INPP5A: variants seen among roughly 807,000 people sequenced by gnomAD.
The protein encoded by INPP5A is inositol polyphosphate-5-phosphatase A, also known as 43 kDa inositol polyphosphate 5-phophatase.
A neutral mutation model predicts 65.2 loss-of-function variants in INPP5A; 14 were observed. That is an observed-to-expected ratio of 0.21 (90% confidence interval 0.14 to 0.34). The LOEUF (loss-of-function observed/expected upper bound fraction) is 0.34. INPP5A is among the 10% of genes least tolerant of loss of function. INPP5A has a pLI of 1.00. For missense variants in INPP5A, 431 were observed against 545.6 expected, an observed-to-expected ratio of 0.79 and a Z score of 2.09; for synonymous variants, 207 against 208.3, an observed-to-expected ratio of 0.99 and a Z score of 0.05.
chr10:132,735,178 C>A lies in INPP5A; in HGVS notation c.732+8273C>A, dbSNP rs374951349. 2.9e-3 allele frequency among the ~76,000 whole-genome samples: 449 copies of A among 152,294 alleles called. 3 individuals are homozygous for A. The highest frequency in any genetic ancestry group is 0.011 in the African/African-American group (438 of 41,558). ...TCTGCAACCCCCCGTGTGGAGATAC[C>A]ACATTCAGAGGCCACGTTGGTACCT... On this transcript the variant is annotated intron_variant, in intron 9 of 15. Transcript: ENST00000368594.
intron 2 of INPP5A, among the ~76,000 whole-genome samples, chr10:132,624,275 G>C (rs1011423117): frequency 2.6e-5 from 4 of 152,256 alleles, no homozygotes; most frequent in Admixed American, 6.5e-5. Flanking sequence ...TCACATGGAA[G>C]CGGGGGAGCT....
chr10:132,754,870 T>C (rs1846563151), intron 11 of INPP5A, among the ~76,000 whole-genome samples: 2 of 152,222 alleles, frequency 1.3e-5, no homozygotes, highest in African/African-American at 4.8e-5. Flanking sequence ...TCAGCGTGTG[T>C]GCGTGGATAT....
rs553677473 is a variant in INPP5A at position 132,749,303 on chromosome 10, G to A, written c.733-214G>A. On this transcript the variant is annotated intron_variant, in intron 9 of 15. Coordinates refer to ENST00000368594, the MANE Select transcript of INPP5A (RefSeq NM_005539.5). ...GGGGTGTCCTCACGGTTGCAGCCAC[G>A]CTTTGTTGGGGAGCAGCCAGCCTCA... is the stretch of plus-strand genomic sequence containing the variant. 4.5e-3 allele frequency among the ~76,000 whole-genome samples: 674 copies of A among 149,726 alleles called. 1 individual carries two copies. Among genetic ancestry groups the A allele is most frequent in the Non-Finnish European group, 7.6e-3 (505 of 66,222 alleles).
chr10:132,737,663 G>T (rs1280844740), intron 9 of INPP5A, among the ~76,000 whole-genome samples: 1 of 152,226 alleles, frequency 6.6e-6, no homozygotes, highest in African/African-American at 2.4e-5. Context: ...AGGTCAGGGC[G>T]GTGAGGGCCT....
intron 5 of INPP5A, among the ~76,000 whole-genome samples, chr10:132,692,198 A>C (rs1038830483): frequency 6.6e-6 from 1 of 152,142 alleles, no homozygotes; most frequent in Admixed American, 6.5e-5. Flanking sequence ...CGGCTGAGGG[A>C]AGAATCAGCG....
chr10:132,538,118 C>T lies in INPP5A; in HGVS notation c.22C>T (p.Pro8Ser), dbSNP rs764513704. The T allele has an allele frequency of 2.2e-5, 27 of 1,237,106 alleles. No individual in the cohort carries two copies. In the East Asian group the frequency reaches 7.0e-4, roughly 32 times the overall value. The allele number at this position is 1,237,106 out of a possible 1,614,324, so 76.6% of individuals were successfully genotyped here. Residue 8 changes from proline (P) to serine (S), a missense_variant, in exon 1 of 16, where the codon CCG (proline) becomes TCG (serine). Pro to Ser is a moderately conservative substitution (Grantham distance 74, BLOSUM62 -1). Coordinates refer to ENST00000368594, the MANE Select transcript of INPP5A (RefSeq NM_005539.5). The surrounding 1 kb of genome is among the most constrained non-coding windows in gnomAD (Gnocchi z 4.1). ...CACCATGGCGGGGAAGGCGGCCGCC[C>T]CGGGCACCGCGGTGCTGCTGGTCAC... MAGKAAA[P>S]GTAVLLVTAN...
chr10:132,649,847 T>A (rs1167374240), intron 3 of INPP5A, among the ~76,000 whole-genome samples: 1 of 152,206 alleles, frequency 6.6e-6, no homozygotes, highest in Admixed American at 6.5e-5. Flanking sequence ...GCCTTCCTGA[T>A]GATAAAATGT....
At chr10:132,775,142 G>A (rs866364186) in intron 12 of INPP5A, among the ~76,000 whole-genome samples, 13 of 8,208 alleles carry the variant, frequency 1.6e-3, no homozygotes, top group African/African-American at 3.8e-3. Flanking sequence ...AGGGAGGAGA[G>A]AGGGGCAGGG....
chr10:132,780,493 G>A (rs536264558), intron 13 of INPP5A, among the ~76,000 whole-genome samples: 1 of 152,382 alleles, frequency 6.6e-6, no homozygotes, highest in Admixed American at 6.5e-5. Context: ...TGTGAACAGG[G>A]TCCCCTGCAA....
intron 8 of INPP5A, among the ~76,000 whole-genome samples, chr10:132,713,888 A>G (rs1845693721): frequency 6.6e-6 from 1 of 152,142 alleles, no homozygotes; most frequent in African/African-American, 2.4e-5. Context: ...GGGCTTTGTC[A>G]GCGACAAAGT....
intron 8 of INPP5A, among the ~76,000 whole-genome samples, chr10:132,718,375 C>G (rs1382382172): frequency 1.3e-5 from 2 of 150,304 alleles, no homozygotes; most frequent in Non-Finnish European, 1.5e-5. Context: ...TCTGTGGTGC[C>G]TGGGTTCTGT....
intron 8 of INPP5A, among the ~76,000 whole-genome samples, chr10:132,719,776 G>T (rs1304304833): frequency 5.3e-5 from 8 of 150,572 alleles, no homozygotes. Flanking sequence ...GTGTGCCTTA[G>T]ACGGCTGTCT....
intron 1 of INPP5A, among the ~76,000 whole-genome samples, chr10:132,605,537 C>T (rs1484209157): frequency 6.6e-6 from 1 of 151,630 alleles, no homozygotes; most frequent in Non-Finnish European, 1.5e-5. Flanking sequence ...TGGGGGATGT[C>T]CTGGAAGTGA....
At chr10:132,757,085 A>C (rs934836374) in intron 11 of INPP5A, among the ~76,000 whole-genome samples, 1 of 152,270 alleles carries the variant, frequency 6.6e-6, no homozygotes, top group Non-Finnish European at 1.5e-5. Context: ...AAAAATGTTA[A>C]AGTTTATAAA....
chr10:132,738,459 G>A (rs969169562), intron 9 of INPP5A, among the ~76,000 whole-genome samples: 8 of 152,238 alleles, frequency 5.3e-5, no homozygotes, highest in Admixed American at 1.3e-4. Context: ...GGCTGGGGAT[G>A]TCCGGGAGGA....
chr10:132,550,588 G>A lies in INPP5A; in HGVS notation c.75+12417G>A, dbSNP rs2071037318. 6.6e-6 allele frequency among the ~76,000 whole-genome samples: 1 copy of A among 152,230 alleles called. No homozygotes were observed. The highest frequency in any genetic ancestry group is 6.5e-5 in the Admixed American group (1 of 15,288). ...GGCCTGGCTGTGAGCCGCATGGTAC[G>A]AACCTTCTGAATGCAAGTGGCCAAG... On this transcript the variant is annotated intron_variant, in intron 1 of 15. Transcript: ENST00000368594. The surrounding 1 kb of genome is among the most constrained non-coding windows in gnomAD (Gnocchi z 4.2).
At chr10:132,554,092 T>G (rs1472371290) in intron 1 of INPP5A, among the ~76,000 whole-genome samples, 1 of 151,486 alleles carries the variant, frequency 6.6e-6, no homozygotes, top group Non-Finnish European at 1.5e-5. Flanking sequence ...TCTCAGAGCC[T>G]TGGTGGAATA....
At position 132,560,359 on chromosome 10, in the gene INPP5A, C is replaced by T. The variant is rs116803023; in HGVS notation, c.75+22188C>T. Among the ~76,000 whole-genome samples the T allele has an allele frequency of 2.0e-3, 309 of 152,316 alleles. 2 individuals are homozygous for T. The highest frequency in any genetic ancestry group is 7.2e-3 in the African/African-American group (298 of 41,564). On this transcript the variant is annotated intron_variant, in intron 1 of 15. Coordinates refer to ENST00000368594, the MANE Select transcript of INPP5A (RefSeq NM_005539.5). ...AACTGCCAGACTCTTTCCACAGCAG[C>T]TGCAGCATTTTTCGTTCTTGTGAGC...
intron 2 of INPP5A, among the ~76,000 whole-genome samples, chr10:132,638,474 G>A (rs1005275597): frequency 6.6e-6 from 1 of 152,230 alleles, no homozygotes; most frequent in Non-Finnish European, 1.5e-5. Flanking sequence ...CCCCAGCGGG[G>A]GCAGTCCCGG....
Sources: gnomAD v4.1 joint callset for allele counts (sites outside exome capture counted in the v4.1 genomes callset) on GRCh38, gnomAD v4.1.1 for gene constraint, Gnocchi (gnomAD v3.1) non-coding constraint, MANE v1.5 for transcripts, NCBI Gene and HGNC (gene_info 2026-07-23, HGNC 2026-07-21) for gene names.